The following SMIM10L2B variants were observed in gnomAD, a reference collection of about 807,000 sequenced individuals.
SMIM10L2B encodes small integral membrane protein 10 like 2B.
For synonymous variants in SMIM10L2B, 28 were observed against 30.0 expected (o/e 0.93, Z 0.22); for missense variants, 40 against 58.7 (o/e 0.68, Z 1.04).
rs1238620451 is a variant in SMIM10L2B, at chrX:135,096,613, A to T, written c.*873T>A. On this transcript the variant is annotated 3_prime_UTR_variant, in exon 2 of 2. Coordinates refer to ENST00000433425, the MANE Select transcript of SMIM10L2B (RefSeq NM_001348255.2). ...TCTGTACTGCTCCAAAGAAAGCGAGATCCCCAGATTCCCTACCCTTGGGCC... is the reference window on the plus strand; with the variant it reads ...TCTGTACTGCTCCAAAGAAAGCGAGTTCCCCAGATTCCCTACCCTTGGGCC... 2.7e-5 allele frequency: 3 copies of T among 110,805 alleles called. No homozygotes were observed. Among genetic ancestry groups the T allele is most frequent in the Non-Finnish European group, 5.7e-5 (3 of 52,772 alleles). 9.1% of individuals were successfully genotyped at this position (110,805 alleles called of 1,213,427 possible).
At position 135,098,550 on chromosome X, in the gene SMIM10L2B, C is replaced by G; in HGVS notation, c.84G>C (p.Ala28=). 2.2e-6 allele frequency: 2 copies of G among 904,411 alleles called. No homozygotes were observed. The highest frequency in any genetic ancestry group is 3.4e-5 in the Admixed American group (1 of 29,530). 74.5% of individuals were successfully genotyped at this position (904,411 alleles called of 1,213,427 possible). ...AGAAGGCGCCGTATGAGCCTCGGGCCGCCGCCGAGCGCGACAGCCGAACCG... is the reference window on the plus strand; with the variant it reads ...AGAAGGCGCCGTATGAGCCTCGGGCGGCCGCCGAGCGCGACAGCCGAACCG... The part of the protein sequence containing the change: ...GLAVRLSRSA[A]ARGSYGAFCK... The change falls in exon 1 of 2, where the codon GCG becomes GCC. Residue 28 remains alanine (A), a synonymous_variant. Coordinates refer to ENST00000433425, the MANE Select transcript of SMIM10L2B (RefSeq NM_001348255.2).
rs2083454064 is a variant in SMIM10L2B at position 135,098,092 on chromosome X, C to T, written c.*305G>A. ...CAGCAGAATTCCCTCCTTCTGGTTT[C>T]CCCCTCTTTTGCCAATGTGAGGCAA... On this transcript the variant is annotated 3_prime_UTR_variant, in exon 1 of 2. Coordinates refer to ENST00000433425, the MANE Select transcript of SMIM10L2B (RefSeq NM_001348255.2). 1.2e-5 allele frequency: 2 copies of T among 165,188 alleles called. No individual in the cohort carries two copies. Among genetic ancestry groups the T allele is most frequent in the Non-Finnish European group, 2.3e-5 (2 of 86,669 alleles). The allele number at this position is 165,188 out of a possible 1,213,427, so 13.6% of individuals were successfully genotyped here. A position where few individuals can be genotyped will look rare whatever the true frequency, so the allele number is the denominator to read the frequency against.
chrX:135,095,968 A>AGGC lies in SMIM10L2B; in HGVS notation c.*1515_*1517dup, dbSNP rs1483055063. ...TGTCCAGCCTCTTCTGGGGTGAGGC[A>AGGC]GGCGGACAGCTTCATTCAGGACCTG... On this transcript the variant is annotated 3_prime_UTR_variant, in exon 2 of 2. Transcript: ENST00000433425. The AGGC allele has an allele frequency of 8.9e-6, 1 of 112,048 alleles. No homozygotes were observed. Among genetic ancestry groups the AGGC allele is most frequent in the African/African-American group, 3.3e-5 (1 of 30,753 alleles). The allele number at this position is 112,048 out of a possible 1,213,427, so 9.2% of individuals were successfully genotyped here. A position where few individuals can be genotyped will look rare whatever the true frequency, so the allele number is the denominator to read the frequency against.
rs1379511746 is a variant in SMIM10L2B at position 135,095,499 on chromosome X, G to C, written c.*1987C>G. ...GCAGCTCCGACACACATTTCTCCCA[G>C]TAGGGAAGCAGCTTCCAGAGTCCCA... On this transcript the variant is annotated 3_prime_UTR_variant, in exon 2 of 2. Transcript: ENST00000433425. The C allele has an allele frequency of 3.6e-5, 4 of 112,012 alleles. No homozygotes were observed. Among genetic ancestry groups the C allele is most frequent in the Non-Finnish European group, 5.7e-5 (3 of 53,092 alleles). The allele number at this position is 112,012 out of a possible 1,213,427, so 9.2% of individuals were successfully genotyped here.
chrX:135,098,345 G>A lies in SMIM10L2B; in HGVS notation c.*52C>T, dbSNP rs782130296. The stretch of plus-strand genomic sequence containing the variant: ...CGCGACCCGGCCGGGGGCGGGCGGG[G>A]ACACTGTCGCCCCTCCAGCCGGGCC... On this transcript the variant is annotated 3_prime_UTR_variant, in exon 1 of 2. Coordinates refer to ENST00000433425, the MANE Select transcript of SMIM10L2B (RefSeq NM_001348255.2). 473 of 332,568 alleles carry A rather than the reference G, an allele frequency of 1.4e-3. 1 individual carries two copies. The highest frequency in any genetic ancestry group is 2.0e-3 in the Non-Finnish European group (409 of 202,411). 27.4% of individuals were successfully genotyped at this position (332,568 alleles called of 1,213,427 possible). A position where few individuals can be genotyped will look rare whatever the true frequency, so the allele number is the denominator to read the frequency against.
rs1436390640 is a variant in SMIM10L2B at position 135,098,663 on chromosome X, C to T, written c.-30G>A. ...CCGGGCCCCGCGCAGGCCCCGCCGACCGATCGACCCGCAAGAGCTCGAGCC... is the reference window on the plus strand; with the variant it reads ...CCGGGCCCCGCGCAGGCCCCGCCGATCGATCGACCCGCAAGAGCTCGAGCC... On this transcript the variant is annotated 5_prime_UTR_variant, in exon 1 of 2. Transcript: ENST00000433425. 1.0e-5 allele frequency: 3 copies of T among 293,351 alleles called. No individual in the cohort carries two copies. The highest frequency in any genetic ancestry group is 8.4e-5 in the African/African-American group (3 of 35,822). 24.2% of individuals were successfully genotyped at this position (293,351 alleles called of 1,213,427 possible).
Position 135,096,278 on chromosome X carries a change from TGGCG to T in SMIM10L2B, c.*1204_*1207del, listed in dbSNP as rs1262677687. ...AGATTCTCCTGTGTGATCCTGGGGA[TGGCG>T]GGGGGGTCGAGCTTGAGGAGAGAGA... On this transcript the variant is annotated 3_prime_UTR_variant, in exon 2 of 2. Transcript: ENST00000433425. The T allele has an allele frequency of 3.6e-5, 4 of 110,520 alleles. No homozygotes were observed. Among genetic ancestry groups the T allele is most frequent in the African/African-American group, 6.6e-5 (2 of 30,181 alleles). 9.1% of individuals were successfully genotyped at this position (110,520 alleles called of 1,213,427 possible).
Position 135,098,561 on chromosome X carries a change from G to C in SMIM10L2B, c.73C>G (p.Arg25Gly). 1 of 861,231 alleles carries C rather than the reference G, an allele frequency of 1.2e-6. No individual in the cohort carries two copies. Among genetic ancestry groups the C allele is most frequent in the Non-Finnish European group, 1.6e-6 (1 of 644,208 alleles). The allele number at this position is 861,231 out of a possible 1,213,427, so 71.0% of individuals were successfully genotyped here. The change falls in exon 1 of 2, where the codon CGC becomes GGC. Residue 25 changes from arginine to glycine, a missense_variant. Transcript: ENST00000433425. The part of the protein sequence containing the change: ...ALSGLAVRLS[R>G]SAAARGSYGA... ...TATGAGCCTCGGGCCGCCGCCGAGC[G>C]CGACAGCCGAACCGCCAAGCCAGAC...
chrX:135,095,965 G>A lies in SMIM10L2B; in HGVS notation c.*1521C>T, dbSNP rs1198734364. On this transcript the variant is annotated 3_prime_UTR_variant, in exon 2 of 2. Coordinates refer to ENST00000433425, the MANE Select transcript of SMIM10L2B (RefSeq NM_001348255.2). ...CACTGTCCAGCCTCTTCTGGGGTGAGGCAGGCGGACAGCTTCATTCAGGAC... is the reference window on the plus strand; with the variant it reads ...CACTGTCCAGCCTCTTCTGGGGTGAAGCAGGCGGACAGCTTCATTCAGGAC... 1.8e-5 allele frequency: 2 copies of A among 112,071 alleles called. No individual in the cohort carries two copies. The highest frequency in any genetic ancestry group is 3.3e-5 in the African/African-American group (1 of 30,753). The allele number at this position is 112,071 out of a possible 1,213,427, so 9.2% of individuals were successfully genotyped here.
chrX:135,095,013 C>CA lies in SMIM10L2B; in HGVS notation c.*2472_*2473insT, dbSNP rs1569479836. The CA allele has an allele frequency of 9.7e-6, 1 of 103,419 alleles. No homozygotes were observed. Among genetic ancestry groups the CA allele is most frequent in the Non-Finnish European group, 2.0e-5 (1 of 50,063 alleles). The allele number at this position is 103,419 out of a possible 1,213,427, so 8.5% of individuals were successfully genotyped here. A position where few individuals can be genotyped will look rare whatever the true frequency, so the allele number is the denominator to read the frequency against. ...GGATTTTAGTGTATTAAACCAAGGA[C>CA]TTTTTTTTTTTTTTAAACTTAGAGA... is the stretch of plus-strand genomic sequence containing the variant. On this transcript the variant is annotated 3_prime_UTR_variant, in exon 2 of 2. Transcript: ENST00000433425.
rs1207099636 is a variant in SMIM10L2B, at chrX:135,098,382, C to T, written c.*15G>A. The T allele has an allele frequency of 1.7e-4, 91 of 550,929 alleles. No homozygotes were observed. In the Admixed American group the frequency reaches 3.8e-3, roughly 23 times the overall value. The allele number at this position is 550,929 out of a possible 1,213,427, so 45.4% of individuals were successfully genotyped here. ...CCTCCAGCCGGGCCTCCGCGGCCGC[C>T]GCCGCCGCCGGCGCTCACTCGATCC... On this transcript the variant is annotated 3_prime_UTR_variant, in exon 1 of 2. Transcript: ENST00000433425.
At chrX:135,097,677 T>G (rs1253118366) in intron 1 of SMIM10L2B, among the ~76,000 whole-genome samples, 1 of 112,059 alleles carries the variant, frequency 8.9e-6, no homozygotes, top group Non-Finnish European at 1.9e-5. Context: ...GCCCACCGAC[T>G]GGTGGGGAAG....
chrX:135,096,375 G>C lies in SMIM10L2B; in HGVS notation c.*1111C>G, dbSNP rs781800044. The C allele has an allele frequency of 2.7e-5, 3 of 110,730 alleles. No individual in the cohort carries two copies. Among genetic ancestry groups the C allele is most frequent in the African/African-American group, 9.9e-5 (3 of 30,428 alleles). The allele number at this position is 110,730 out of a possible 1,213,427, so 9.1% of individuals were successfully genotyped here. A position where few individuals can be genotyped will look rare whatever the true frequency, so the allele number is the denominator to read the frequency against. ...TTTATCCCTTCACCCTCCTGGTTAT[G>C]TCGTGTCTCCAGGAGCCATGACACC... On this transcript the variant is annotated 3_prime_UTR_variant, in exon 2 of 2. Transcript: ENST00000433425.
At chrX:135,097,668 C>A (rs1475659481) in intron 1 of SMIM10L2B, among the ~76,000 whole-genome samples, 2 of 112,053 alleles carry the variant, frequency 1.8e-5, no homozygotes, top group Non-Finnish European at 3.8e-5. Flanking sequence ...CCTCCCTATG[C>A]CCACCGACTG....
In SMIM10L2B at chrX:135,096,690, C is replaced by T. The variant is rs1282955749; in HGVS notation, c.*796G>A. The T allele has an allele frequency of 1.8e-5, 2 of 111,847 alleles. No individual in the cohort carries two copies. The highest frequency in any genetic ancestry group is 6.5e-5 in the African/African-American group (2 of 30,722). The allele number at this position is 111,847 out of a possible 1,213,427, so 9.2% of individuals were successfully genotyped here. On this transcript the variant is annotated 3_prime_UTR_variant, in exon 2 of 2. Transcript: ENST00000433425. ...TATGCTTCCCTCTTCACTTTCCCCT[C>T]CCTCCTCCCATCATGCCAGGTCTTG...
chrX:135,098,310 C>A lies in SMIM10L2B; in HGVS notation c.*87G>T. 1.0e-5 allele frequency: 3 copies of A among 289,231 alleles called. No homozygotes were observed. Among genetic ancestry groups the A allele is most frequent in the Non-Finnish European group, 1.8e-5 (3 of 167,533 alleles). 23.8% of individuals were successfully genotyped at this position (289,231 alleles called of 1,213,427 possible). A position where few individuals can be genotyped will look rare whatever the true frequency, so the allele number is the denominator to read the frequency against. ...CCGCCCCCCGCCGCGATCCAGCTGT[C>A]CTTCATGCCCGCGACCCGGCCGGGG... On this transcript the variant is annotated 3_prime_UTR_variant, in exon 1 of 2. Coordinates refer to ENST00000433425, the MANE Select transcript of SMIM10L2B (RefSeq NM_001348255.2).
rs1276584846 is a variant in SMIM10L2B at position 135,096,852 on chromosome X, C to T, written c.*634G>A. On this transcript the variant is annotated 3_prime_UTR_variant, in exon 2 of 2. Transcript: ENST00000433425. ...CCTCTGTCATTAGGAGGGGGAAATA[C>T]ACCTCTCTCACAGTGCTGCTAGCCG... 1 of 112,408 alleles carries T rather than the reference C, an allele frequency of 8.9e-6. No homozygotes were observed. Among genetic ancestry groups the T allele is most frequent in the African/African-American group, 3.2e-5 (1 of 30,905 alleles). The allele number at this position is 112,408 out of a possible 1,213,427, so 9.3% of individuals were successfully genotyped here.
In SMIM10L2B at chrX:135,095,566, T is replaced by A. The variant is rs1556397805; in HGVS notation, c.*1920A>T. Reference sequence around the variant, plus strand: ...TGGGGAGGGCTCAGGCACCCCCCACTGTATCACACATGCAATCAGCAAAGA... The same window carrying A: ...TGGGGAGGGCTCAGGCACCCCCCACAGTATCACACATGCAATCAGCAAAGA... On this transcript the variant is annotated 3_prime_UTR_variant, in exon 2 of 2. Coordinates refer to ENST00000433425, the MANE Select transcript of SMIM10L2B (RefSeq NM_001348255.2). The A allele has an allele frequency of 2.7e-5, 3 of 111,635 alleles. No individual in the cohort carries two copies. The highest frequency in any genetic ancestry group is 9.4e-5 in the Admixed American group (1 of 10,657). The allele number at this position is 111,635 out of a possible 1,213,427, so 9.2% of individuals were successfully genotyped here. A position where few individuals can be genotyped will look rare whatever the true frequency, so the allele number is the denominator to read the frequency against.
In SMIM10L2B at chrX:135,097,810, T is replaced by G. The variant is rs782305243; in HGVS notation, c.*364+223A>C. On this transcript the variant is annotated intron_variant, in intron 1 of 1. Coordinates refer to ENST00000433425, the MANE Select transcript of SMIM10L2B (RefSeq NM_001348255.2). ...CCTCTGCGGAAAGGGAGGCCGGCAC[T>G]GGGGAATGAGCGGGAGGCGGCTGCC... Among the ~76,000 whole-genome samples, 394 of 112,147 alleles carry G rather than the reference T, an allele frequency of 3.5e-3. 1 individual carries two copies. Among genetic ancestry groups the G allele is most frequent in the Non-Finnish European group, 6.8e-3 (359 of 52,985 alleles).
Sources: allele counts gnomAD v4.1 joint callset (sites outside exome capture counted in the v4.1 genomes callset), GRCh38; gene constraint gnomAD v4.1.1; transcripts MANE v1.5; gene names NCBI Gene and HGNC (gene_info 2026-07-23, HGNC 2026-07-21).